The following LHFPL6 variants were observed in gnomAD, a reference collection of about 807,000 sequenced individuals.
LHFPL6 encodes the protein LHFPL tetraspan subfamily member 6 protein.
Under a neutral mutation model 20.6 loss-of-function variants are expected in LHFPL6, and 9 were observed. That is an observed-to-expected ratio of 0.44 (90% CI 0.26 to 0.76). The LOEUF (loss-of-function observed/expected upper bound fraction) is 0.76, where lower values mean the gene tolerates loss of function less well. Among genes scored for constraint, LHFPL6 ranks in the 30% least tolerant of loss-of-function variants. The pLI is 0.20. For synonymous variants in LHFPL6, 105 were observed against 98.7 expected, an observed-to-expected ratio of 1.06 and a Z score of -0.38; for missense variants, 218 against 253.5, an observed-to-expected ratio of 0.86 and a Z score of 0.95.
At chr13:39,373,024 C>T (rs751819008) in intron 3 of LHFPL6, among the ~76,000 whole-genome samples, 3 of 152,146 alleles carry the variant, frequency 2.0e-5, no homozygotes, top group Non-Finnish European at 4.4e-5. Context: ...CTTTACCTAC[C>T]TAAAGCCTAC....
intron 2 of LHFPL6, among the ~76,000 whole-genome samples, chr13:39,427,290 C>T (rs1447901996): frequency 6.6e-6 from 1 of 152,096 alleles, no homozygotes; most frequent in Non-Finnish European, 1.5e-5. Flanking sequence ...TTGCTTTATT[C>T]CAGTGATTAC....
intron 2 of LHFPL6, among the ~76,000 whole-genome samples, chr13:39,508,830 A>ATG (rs1566127901): frequency 6.6e-6 from 1 of 152,216 alleles, no homozygotes; most frequent in Non-Finnish European, 1.5e-5. Context: ...ATATGAATAC[A>ATG]TGCTCTCATT....
At chr13:39,477,212 C>T (rs1387436240) in intron 2 of LHFPL6, among the ~76,000 whole-genome samples, 2 of 152,068 alleles carry the variant, frequency 1.3e-5, no homozygotes, top group African/African-American at 4.8e-5. Context: ...CAGACTCCTC[C>T]TTCGTGACTC....
chr13:39,526,322 T>C (rs1459867528), intron 2 of LHFPL6, among the ~76,000 whole-genome samples: 1 of 152,030 alleles, frequency 6.6e-6, no homozygotes, highest in Non-Finnish European at 1.5e-5. Flanking sequence ...TAGATACAGA[T>C]ATACATGATA....
chr13:39,427,648 A>G (rs1040614692), intron 2 of LHFPL6, among the ~76,000 whole-genome samples: 2 of 152,196 alleles, frequency 1.3e-5, no homozygotes, highest in Non-Finnish European at 2.9e-5. Flanking sequence ...ATATGTAAAA[A>G]AATTTTTTTA....
chr13:39,505,337 T>C (rs552408150), intron 2 of LHFPL6, among the ~76,000 whole-genome samples: 9 of 152,328 alleles, frequency 5.9e-5, no homozygotes, highest in African/African-American at 1.9e-4. Flanking sequence ...ACATAATTGA[T>C]GTCAGGAATC....
intron 2 of LHFPL6, among the ~76,000 whole-genome samples, chr13:39,410,907 G>A (rs1871229325): frequency 6.6e-6 from 1 of 152,146 alleles, no homozygotes; most frequent in African/African-American, 2.4e-5. Flanking sequence ...TCACACAACT[G>A]CTTGGCTTAC....
Position 39,389,002 on chromosome 13 carries a change from G to A in LHFPL6, c.386-10476C>T, listed in dbSNP as rs538766295. ...GGATTCTGGGTGAGCTGATATGAGG[G>A]ACATTTGTGATGGGATTGAAAGCCA... On this transcript the variant is annotated intron_variant, in intron 2 of 3. Transcript: ENST00000379589. Among the ~76,000 whole-genome samples, 24 of 152,318 alleles carry A rather than the reference G, an allele frequency of 1.6e-4. 1 individual carries two copies. Among genetic ancestry groups the A allele is most frequent in the Middle Eastern group, 6.8e-3 (2 of 294 alleles).
intron 2 of LHFPL6, among the ~76,000 whole-genome samples, chr13:39,520,418 AT>A (rs1870070730): frequency 6.6e-6 from 1 of 152,200 alleles, no homozygotes; most frequent in African/African-American, 2.4e-5. Context: ...GAAAGCAGGC[AT>A]TCAGGAAGAG....
At chr13:39,530,761 C>T (rs1870441544) in intron 2 of LHFPL6, among the ~76,000 whole-genome samples, 1 of 151,470 alleles carries the variant, frequency 6.6e-6, no homozygotes, top group Non-Finnish European at 1.5e-5. Context: ...TGTGATAAGG[C>T]AAATGAATGA....
chr13:39,531,249 T>C (rs572898253), intron 2 of LHFPL6, among the ~76,000 whole-genome samples: 1 of 152,292 alleles, frequency 6.6e-6, no homozygotes, highest in Admixed American at 6.5e-5. Flanking sequence ...TTAGGAAACA[T>C]CCTTTTCTGA....
intron 2 of LHFPL6, among the ~76,000 whole-genome samples, chr13:39,562,415 C>CATATATACAT (rs57863254): frequency 1.8e-5 from 1 of 54,674 alleles, no homozygotes; most frequent in Non-Finnish European, 4.0e-5. Context: ...TACACATATA[C>CATATATACAT]ACATATACAT....
intron 2 of LHFPL6, among the ~76,000 whole-genome samples, chr13:39,515,317 T>A (rs577328351): frequency 6.6e-6 from 1 of 152,180 alleles, no homozygotes; most frequent in Non-Finnish European, 1.5e-5. Context: ...GGGTTGAGGA[T>A]TTTTTCATGA....
At chr13:39,452,784 T>C (rs1341096615) in intron 2 of LHFPL6, among the ~76,000 whole-genome samples, 1 of 152,164 alleles carries the variant, frequency 6.6e-6, no homozygotes, top group Non-Finnish European at 1.5e-5. Flanking sequence ...AACAGACATA[T>C]CCATTGATAG....
At position 39,566,148 on chromosome 13, in the gene LHFPL6, G is replaced by GA. The variant is rs760080129; in HGVS notation, c.385+34683dup. 6.0e-4 allele frequency among the ~76,000 whole-genome samples: 91 copies of GA among 151,644 alleles called. 1 individual carries two copies. The highest frequency in any genetic ancestry group is 9.9e-4 in the Non-Finnish European group (67 of 67,892). On this transcript the variant is annotated intron_variant, in intron 2 of 3. Transcript: ENST00000379589. The stretch of plus-strand genomic sequence containing the variant: ...TCAAACACATGATTTTATCCTGTTG[G>GA]AACAAAAACAGAAAAAGGAGGTAGA...
chr13:39,420,726 C>T (rs1455392476), intron 2 of LHFPL6, among the ~76,000 whole-genome samples: 2 of 152,156 alleles, frequency 1.3e-5, no homozygotes, highest in Non-Finnish European at 2.9e-5. Context: ...GTAAGAGATA[C>T]TTGAGGGATA....
At chr13:39,432,817 A>G (rs903355300) in intron 2 of LHFPL6, among the ~76,000 whole-genome samples, 7 of 152,322 alleles carry the variant, frequency 4.6e-5, no homozygotes, top group Admixed American at 3.3e-4. Flanking sequence ...TGCCTACCAC[A>G]TAATAAGTAG....
chr13:39,487,606 T>G (rs1428645309), intron 2 of LHFPL6, among the ~76,000 whole-genome samples: 1 of 152,230 alleles, frequency 6.6e-6, no homozygotes, highest in Non-Finnish European at 1.5e-5. Flanking sequence ...GTTAGCAAAT[T>G]CCCACATTAA....
chr13:39,469,514 C>A (rs549230066), intron 2 of LHFPL6, among the ~76,000 whole-genome samples: 1 of 152,282 alleles, frequency 6.6e-6, no homozygotes, highest in Admixed American at 6.5e-5. Context: ...CTGGGCATGA[C>A]CCCCAAATCC....
Sources: gnomAD v4.1 joint callset for allele counts (sites outside exome capture counted in the v4.1 genomes callset) on GRCh38, gnomAD v4.1.1 for gene constraint, MANE v1.5 for transcripts, NCBI Gene and HGNC (gene_info 2026-07-23, HGNC 2026-07-21) for gene names.